Variants in KCNJ3 observed in about 807,000 individuals in gnomAD.
KCNJ3 encodes potassium inwardly rectifying channel subfamily J member 3.
A neutral mutation model predicts 39.2 loss-of-function variants in KCNJ3; 4 were observed. That is an observed-to-expected ratio of 0.10 (90% confidence interval 0.05 to 0.23). The LOEUF (loss-of-function observed/expected upper bound fraction) is 0.23. Among genes scored for constraint, KCNJ3 ranks in the 10% least tolerant of loss-of-function variants. The pLI is 1.00. For missense variants in KCNJ3, 276 were observed against 634.9 expected (o/e 0.43, Z 6.08); for synonymous variants, 230 against 237.4 (o/e 0.97, Z 0.29).
At position 154,732,585 on chromosome 2, in the gene KCNJ3, TA is replaced by T. The variant is rs1484222494; in HGVS notation, c.919+22767del. ...AAAAATTATCATCAGGTTCTGCTGA[TA>T]GGTAATGCTAGTATAGCAATAGTGT... On this transcript the variant is annotated intron_variant, in intron 2 of 2. Coordinates refer to ENST00000295101, the MANE Select transcript of KCNJ3 (RefSeq NM_002239.4). Among the ~76,000 whole-genome samples the T allele has an allele frequency of 3.3e-5, 5 of 152,104 alleles. 1 individual carries two copies. The highest frequency in any genetic ancestry group is 6.3e-3 in the Middle Eastern group (2 of 316).
intron 2 of KCNJ3, among the ~76,000 whole-genome samples, chr2:154,846,746 A>G (rs1385730179): frequency 2.0e-5 from 3 of 151,784 alleles, no homozygotes; most frequent in South Asian, 2.1e-4. Context: ...TTGAACATCT[A>G]ACATTGTGTT....
intron 2 of KCNJ3, among the ~76,000 whole-genome samples, chr2:154,833,237 T>C (rs1001933626): frequency 2.6e-5 from 4 of 152,244 alleles, no homozygotes; most frequent in East Asian, 3.8e-4. Context: ...CTTTGTGGAA[T>C]AGTTAACTTA....
At chr2:154,707,118 C>G (rs904853758) in intron 1 of KCNJ3, among the ~76,000 whole-genome samples, 1 of 151,932 alleles carries the variant, frequency 6.6e-6, no homozygotes, top group Non-Finnish European at 1.5e-5. Flanking sequence ...TGGATACATA[C>G]GTAAAGAATT....
intron 2 of KCNJ3, among the ~76,000 whole-genome samples, chr2:154,753,545 T>C (rs1685884851): frequency 6.6e-6 from 1 of 152,168 alleles, no homozygotes; most frequent in South Asian, 2.1e-4. Flanking sequence ...TCATGCTTAC[T>C]GTGTTTTATG....
intron 2 of KCNJ3, among the ~76,000 whole-genome samples, chr2:154,764,895 C>T (rs1043454171): frequency 2.0e-5 from 3 of 152,144 alleles, no homozygotes; most frequent in African/African-American, 7.2e-5. Context: ...ATTTCAAAGC[C>T]TTTGCACATA....
At chr2:154,821,802 G>A (rs1687187303) in intron 2 of KCNJ3, among the ~76,000 whole-genome samples, 1 of 151,768 alleles carries the variant, frequency 6.6e-6, no homozygotes, top group Non-Finnish European at 1.5e-5. Flanking sequence ...CACCACACCT[G>A]GCTATTTTTT....
intron 2 of KCNJ3, among the ~76,000 whole-genome samples, chr2:154,750,477 G>A (rs948191520): frequency 2.0e-4 from 31 of 152,002 alleles, no homozygotes; most frequent in African/African-American, 7.2e-4. Flanking sequence ...AAACTGATTA[G>A]AATTCTATTT....
chr2:154,774,119 T>C (rs1255877245), intron 2 of KCNJ3, among the ~76,000 whole-genome samples: 1 of 152,190 alleles, frequency 6.6e-6, no homozygotes, highest in East Asian at 1.9e-4. Flanking sequence ...TTAATATCAC[T>C]TCCATGTAGA....
At chr2:154,779,752 C>T (rs1003447511) in intron 2 of KCNJ3, among the ~76,000 whole-genome samples, 1 of 151,712 alleles carries the variant, frequency 6.6e-6, no homozygotes, top group African/African-American at 2.4e-5. Flanking sequence ...CCATGTTGGC[C>T]AGGATGTTCT....
intron 2 of KCNJ3, among the ~76,000 whole-genome samples, chr2:154,812,517 A>G (rs1687022524): frequency 6.6e-6 from 1 of 152,178 alleles, no homozygotes; most frequent in African/African-American, 2.4e-5. Flanking sequence ...TGAAAGCTGT[A>G]GAATCTTCTG....
chr2:154,772,781 A>G (rs1265847057), intron 2 of KCNJ3, among the ~76,000 whole-genome samples: 4 of 151,962 alleles, frequency 2.6e-5, no homozygotes. Context: ...TGTAAACCTA[A>G]TTAGAGATGG....
intron 2 of KCNJ3, among the ~76,000 whole-genome samples, chr2:154,739,675 G>A (rs147192781): frequency 1.0e-3 from 153 of 152,122 alleles, no homozygotes; most frequent in African/African-American, 3.4e-3. Flanking sequence ...GAGGCTTGAG[G>A]CTTCTTTGAG....
intron 2 of KCNJ3, among the ~76,000 whole-genome samples, chr2:154,736,374 T>TAAAAAAAAAGAAAAAAAAAAAA (rs1685529400): frequency 1.1e-5 from 1 of 93,228 alleles, no homozygotes; most frequent in African/African-American, 3.9e-5. Flanking sequence ...TCACTAGTTC[T>TAAAAAAAAAGAAAAAAAAAAAA]AAAAAAAAAA....
chr2:154,766,790 G>A (rs577112383), intron 2 of KCNJ3, among the ~76,000 whole-genome samples: 9 of 152,044 alleles, frequency 5.9e-5, no homozygotes, highest in Non-Finnish European at 1.2e-4. Context: ...TCCTGACCTC[G>A]TGACCCGCCC....
chr2:154,819,481 TTAA>T, intron 2 of KCNJ3, among the ~76,000 whole-genome samples: 1 of 152,096 alleles, frequency 6.6e-6, no homozygotes, highest in East Asian at 1.9e-4. Flanking sequence ...GTTTTTCAAA[TTAA>T]TGATATATTC....
chr2:154,711,218 T>C (rs1685097428), intron 2 of KCNJ3, among the ~76,000 whole-genome samples: 1 of 152,118 alleles, frequency 6.6e-6, no homozygotes, highest in Admixed American at 6.5e-5. Flanking sequence ...TGATAAAAAG[T>C]ATAACCAATA....
At chr2:154,815,669 T>C (rs906710899) in intron 2 of KCNJ3, among the ~76,000 whole-genome samples, 2 of 152,210 alleles carry the variant, frequency 1.3e-5, no homozygotes, top group Admixed American at 6.5e-5. Context: ...TCCTTGTATA[T>C]TATATGTTTT....
intron 2 of KCNJ3, among the ~76,000 whole-genome samples, chr2:154,711,782 G>A (rs1685106206): frequency 6.6e-6 from 1 of 151,998 alleles, no homozygotes; most frequent in Non-Finnish European, 1.5e-5. Flanking sequence ...ATTTTTCAGA[G>A]GATCATGGTT....
intron 2 of KCNJ3, among the ~76,000 whole-genome samples, chr2:154,795,076 T>A (rs16838205): frequency 0.048 from 7,329 of 152,096 alleles, 217 homozygotes; most frequent in African/African-American, 0.081. Context: ...CATTAAGGAA[T>A]CTTCATCAAG....
Sources: allele counts gnomAD v4.1 joint callset (sites outside exome capture counted in the v4.1 genomes callset), GRCh38; gene constraint gnomAD v4.1.1; transcripts MANE v1.5; gene names NCBI Gene and HGNC (gene_info 2026-07-23, HGNC 2026-07-21).